The following PRMT7 variants were observed in gnomAD, a reference collection of about 807,000 sequenced individuals.
PRMT7 encodes protein arginine methyltransferase 7.
In PRMT7, 75 loss-of-function variants were observed where a neutral mutation model predicts 85.4. The observed-to-expected ratio is 0.88, with a 90% CI of 0.73 to 1.06. The LOEUF (loss-of-function observed/expected upper bound fraction) is 1.06, where lower values mean the gene tolerates loss of function less well. PRMT7 is among the 50% of genes least tolerant of loss of function. The probability of loss-of-function intolerance (pLI) is 0.00; values close to 1 mark genes in which losing one functional copy is unlikely to be tolerated. For synonymous variants in PRMT7, 397 were observed against 359.5 expected (o/e 1.10, Z -1.18); for missense variants, 868 against 915.2 (o/e 0.95, Z 0.67).
Position 68,316,078 on chromosome 16 carries a change from C to T in PRMT7, c.95+4C>T. 6.2e-7 allele frequency: 1 copy of T among 1,612,990 alleles called. No individual in the cohort carries two copies. Among genetic ancestry groups the T allele is most frequent in the African/African-American group, 1.3e-5 (1 of 75,020 alleles). On this transcript the variant is annotated splice_donor_region_variant and intron_variant, in intron 3 of 18. Coordinates refer to ENST00000441236, the MANE Select transcript of PRMT7 (RefSeq NM_019023.5). Reference sequence around the variant, plus strand: ...ATTACCACCAGGAGATTGCAAGGTACTGGGTTGGTTTACAGCAGGCTGCAG... The same window carrying T: ...ATTACCACCAGGAGATTGCAAGGTATTGGGTTGGTTTACAGCAGGCTGCAG...
At chr16:68,350,779 C>G (rs2087203919) in intron 14 of PRMT7, among the ~76,000 whole-genome samples, 1 of 152,254 alleles carries the variant, frequency 6.6e-6, no homozygotes, top group Admixed American at 6.5e-5. Flanking sequence ...CTGTCTTTAG[C>G]TTGCCCATTC....
chr16:68,329,251 G>A, intron 6 of PRMT7, 77 bp downstream of exon 6: 2 of 1,114,118 alleles, frequency 1.8e-6, no homozygotes, highest in South Asian at 1.3e-5. Context: ...CCAGTTACCT[G>A]GAACAAATCC....
Position 68,348,359 on chromosome 16 carries a change from C to A in PRMT7, c.1341C>A (p.His447Gln). Residue 447 changes from histidine to glutamine, a missense_variant, in exon 14 of 19, where the codon CAC becomes CAA. By Grantham distance (24) the His-to-Gln change is conservative (BLOSUM62 0). Coordinates refer to ENST00000441236, the MANE Select transcript of PRMT7 (RefSeq NM_019023.5). ...KLLRKIFKAN[H>Q]LEDKINIIEK... is the part of the protein sequence containing the mutation. ...TTTCTAAGATCTTCAAGGCTAACCA[C>A]TTGGAAGATAAAATTAACATCATAG... 1 of 1,607,164 alleles carries A rather than the reference C, an allele frequency of 6.2e-7. No individual in the cohort carries two copies. Among genetic ancestry groups the A allele is most frequent in the Non-Finnish European group, 8.5e-7 (1 of 1,173,786 alleles).
intron 15 of PRMT7, chr16:68,352,645 G>T (rs1473980986): frequency 4.8e-6 from 2 of 418,794 alleles, no homozygotes; most frequent in Non-Finnish European, 8.5e-6. Context: ...TACAATTGTG[G>T]CTTATCAGAA....
At chr16:68,336,867 C>T (rs566652603) in intron 6 of PRMT7, among the ~76,000 whole-genome samples, 58 of 152,284 alleles carry the variant, frequency 3.8e-4, no homozygotes, top group Non-Finnish European at 7.4e-4. Flanking sequence ...ATTCTCATGC[C>T]TCAGCCTCCT....
chr16:68,358,842 T>G (rs1214699435), downstream of PRMT7: 1 of 152,338 alleles, frequency 6.6e-6, no homozygotes, highest in East Asian at 1.9e-4. Flanking sequence ...CTTTAAAAAA[T>G]CAGTGGAAGG....
chr16:68,350,755 C>T (rs2087199291), intron 14 of PRMT7, among the ~76,000 whole-genome samples: 2 of 152,230 alleles, frequency 1.3e-5, no homozygotes, highest in Admixed American at 6.5e-5. Context: ...CCTGGGCACC[C>T]ACTCTTCTCC....
chr16:68,323,384 A>C (rs576566747), intron 4 of PRMT7, among the ~76,000 whole-genome samples: 1 of 151,804 alleles, frequency 6.6e-6, no homozygotes, highest in African/African-American at 2.4e-5. Context: ...ATGCCTGGCT[A>C]ATTTTTTGTA....
intron 7 of PRMT7, 76 bp downstream of exon 7, chr16:68,337,647 C>A: frequency 1.1e-6 from 1 of 915,752 alleles, no homozygotes; most frequent in Non-Finnish European, 1.6e-6. Flanking sequence ...TGCACCGTGT[C>A]CCACACAGCC....
intron 6 of PRMT7, among the ~76,000 whole-genome samples, chr16:68,333,515 G>A (rs996496388): frequency 6.6e-6 from 1 of 151,862 alleles, no homozygotes; most frequent in Non-Finnish European, 1.5e-5. Context: ...AAGAAACTAG[G>A]TCTCGCTTTG....
intron 6 of PRMT7, among the ~76,000 whole-genome samples, chr16:68,331,391 A>G (rs889015717): frequency 1.1e-4 from 17 of 150,874 alleles, no homozygotes; most frequent in Admixed American, 1.1e-3. Flanking sequence ...CTTTAGATTC[A>G]CTGATCTTTT....
intron 14 of PRMT7, among the ~76,000 whole-genome samples, chr16:68,348,721 C>A (rs1410123315): frequency 6.8e-6 from 1 of 146,636 alleles, no homozygotes; most frequent in African/African-American, 2.6e-5. Flanking sequence ...TGGCTTACTG[C>A]AGCCTCGACC....
chr16:68,352,224 C>CGAGAAG lies in PRMT7; in HGVS notation c.1414-24_1414-23insGAGAAG, dbSNP rs778131506. On this transcript the variant is annotated intron_variant, in intron 14 of 18. Transcript: ENST00000441236. ...GGACCGAGCCCTACTGACACCTGGG[C>CGAGAAG]CCTGCTTCTCGCCCATTCACCAGGT... 13 of 1,609,530 alleles carry CGAGAAG rather than the reference C, an allele frequency of 8.1e-6. No individual in the cohort carries two copies. The South Asian group carries it at 1.4e-4, about 18-fold the overall frequency.
intron 4 of PRMT7, among the ~76,000 whole-genome samples, chr16:68,321,878 T>C (rs1216331661): frequency 1.2e-4 from 19 of 152,192 alleles, no homozygotes; most frequent in Admixed American, 1.2e-3. Context: ...CCACAACTTA[T>C]TCATCCTATC....
At chr16:68,322,569 T>G in intron 4 of PRMT7, 1 of 204,824 alleles carries the variant, frequency 4.9e-6, no homozygotes, top group Admixed American at 5.7e-5. Flanking sequence ...TGATTCTTGA[T>G]AGACACTGCC....
chr16:68,329,509 A>C (rs1252103742), intron 6 of PRMT7: 2 of 183,088 alleles, frequency 1.1e-5, no homozygotes, highest in Non-Finnish European at 2.3e-5. Flanking sequence ...ATTGGCTACG[A>C]TACTGCCACT....
chr16:68,348,374 T>C lies in PRMT7; in HGVS notation c.1356T>C (p.Ile452=), dbSNP rs745787072. 2.7e-5 allele frequency: 43 copies of C among 1,610,902 alleles called. No individual in the cohort carries two copies. The highest frequency in any genetic ancestry group is 3.2e-5 in the Non-Finnish European group (38 of 1,177,234). The change falls in exon 14 of 19, where the codon ATT becomes ATC. Residue 452 remains isoleucine, a synonymous_variant. Transcript: ENST00000441236. ...IFKANHLEDK[I]NIIEKRPELL... ...AGGCTAACCACTTGGAAGATAAAAT[T>C]AACATCATAGAGAAACGGCCGGAAT...
At chr16:68,317,972 A>G (rs1254635841) in intron 3 of PRMT7, among the ~76,000 whole-genome samples, 1 of 152,112 alleles carries the variant, frequency 6.6e-6, no homozygotes, top group Non-Finnish European at 1.5e-5. Flanking sequence ...GTCATTTTGT[A>G]AAGGGTGGTA....
intron 3 of PRMT7, 65 bp from the exon 4 acceptor site, chr16:68,321,361 A>G (rs957366248): frequency 1.4e-5 from 18 of 1,284,836 alleles, no homozygotes; most frequent in African/African-American, 4.5e-5. Context: ...ATGTGTTTAT[A>G]TATGTGAATA....
Sources: allele counts gnomAD v4.1 joint callset (sites outside exome capture counted in the v4.1 genomes callset), GRCh38; gene constraint gnomAD v4.1.1; transcripts MANE v1.5; gene names NCBI Gene and HGNC (gene_info 2026-07-23, HGNC 2026-07-21).